The following PRKCH variants were observed in gnomAD, a reference collection of about 807,000 sequenced individuals.
PRKCH encodes the protein protein kinase C eta type.
Under a neutral mutation model 82.5 loss-of-function variants are expected in PRKCH, and 28 were observed. The ratio of observed to expected loss-of-function variants is 0.34; its 90% CI spans 0.25 to 0.47. The LOEUF (loss-of-function observed/expected upper bound fraction) is 0.47, where lower values mean the gene tolerates loss of function less well. Ranked by LOEUF, PRKCH falls within the 20% of genes least tolerant of loss-of-function variation. PRKCH has a pLI of 1.00. For missense variants in PRKCH, 705 were observed against 881.8 expected (o/e 0.80, Z 2.54); for synonymous variants, 322 against 327.4 (o/e 0.98, Z 0.18).
chr14:61,509,319 A>C (rs17098617), intron 10 of PRKCH, among the ~76,000 whole-genome samples: 5,577 of 152,234 alleles, frequency 0.037, 293 homozygotes, highest in East Asian at 0.26. Flanking sequence ...CTTTGAAAAC[A>C]TGCAGCCTCA....
chr14:61,228,449 T>C (rs2044714941), intron 1 of PRKCH, among the ~76,000 whole-genome samples: 1 of 152,162 alleles, frequency 6.6e-6, no homozygotes, highest in Non-Finnish European at 1.5e-5. Context: ...AGAAGCCACC[T>C]CTTCTCAATC....
chr14:61,403,286 T>C (rs1350056900), intron 2 of PRKCH, among the ~76,000 whole-genome samples: 1 of 152,224 alleles, frequency 6.6e-6, no homozygotes, highest in Non-Finnish European at 1.5e-5. Flanking sequence ...ATTTTACAAT[T>C]TCTAGGTTAT....
rs1240831757 is a variant in PRKCH at position 61,530,451 on chromosome 14, A to C, written c.1617A>C (p.Ala539=). 3 of 1,609,600 alleles carry C rather than the reference A, an allele frequency of 1.9e-6. No homozygotes were observed. Among genetic ancestry groups the C allele is most frequent in the African/African-American group, 1.3e-5 (1 of 74,906 alleles). The change falls in exon 12 of 14, where the codon GCA becomes GCC. Residue 539 remains alanine (A), a synonymous_variant. Coordinates refer to ENST00000332981, the MANE Select transcript of PRKCH (RefSeq NM_006255.5). ...ACGGGCCTGCAGTAGACTGGTGGGC[A>C]ATGGGCGTGTTGCTCTATGAGATGC... ...MLYGPAVDWW[A]MGVLLYEMLC... is the part of the protein sequence containing the mutation.
intron 1 of PRKCH, among the ~76,000 whole-genome samples, chr14:61,272,618 A>G (rs1594884734): frequency 6.6e-6 from 1 of 152,218 alleles, no homozygotes; most frequent in South Asian, 2.1e-4. Context: ...GGCCTCCCAA[A>G]GTGCTGGGAT....
At chr14:61,313,465 C>T (rs2045539763) in intron 1 of PRKCH, among the ~76,000 whole-genome samples, 1 of 151,992 alleles carries the variant, frequency 6.6e-6, no homozygotes, top group African/African-American at 2.4e-5. Flanking sequence ...AATTTTAAAC[C>T]ATTTTATTTT....
chr14:61,528,986 G>GTGTA lies in PRKCH; in HGVS notation c.1434-86_1434-85insATGT, dbSNP rs963960676. ...CATGTGGCCGCACGTGTGTGTGTGT[G>GTGTA]TGTGTGTGTGTGTGTGTGTGCCCAT... On this transcript the variant is annotated intron_variant, in intron 10 of 13. Transcript: ENST00000332981. The GTGTA allele has an allele frequency of 1.6e-5, 20 of 1,222,678 alleles. No homozygotes were observed. The African/African-American group carries it at 3.1e-4, about 19-fold the overall frequency. The allele number at this position is 1,222,678 out of a possible 1,614,324, so 75.7% of individuals were successfully genotyped here.
intron 1 of PRKCH, among the ~76,000 whole-genome samples, chr14:61,293,575 G>A (rs1178311186): frequency 6.6e-6 from 1 of 152,196 alleles, no homozygotes; most frequent in Admixed American, 6.5e-5. Context: ...TCAGTTCTCA[G>A]AACACCTGAA....
In PRKCH at chr14:61,421,191, C is replaced by T. The variant is rs116567231; in HGVS notation, c.428-21920C>T. Among the ~76,000 whole-genome samples the T allele has an allele frequency of 1.7e-3, 255 of 151,530 alleles. 2 individuals are homozygous for T. Among genetic ancestry groups the T allele is most frequent in the African/African-American group, 5.8e-3 (238 of 41,244 alleles). On this transcript the variant is annotated intron_variant, in intron 2 of 13. Coordinates refer to ENST00000332981, the MANE Select transcript of PRKCH (RefSeq NM_006255.5). ...GGATGCTTTTTGTCCCCCATGGTTC[C>T]CTTATAAGTGACTGTATTTCCTGAG...
At chr14:61,461,820 A>G (rs942149294) in intron 9 of PRKCH, among the ~76,000 whole-genome samples, 2 of 152,182 alleles carry the variant, frequency 1.3e-5, no homozygotes, top group African/African-American at 4.8e-5. Context: ...AAAATGTATA[A>G]ATTCTACAGT....
intron 1 of PRKCH, among the ~76,000 whole-genome samples, chr14:61,345,054 C>G (rs540870532): frequency 6.6e-6 from 1 of 152,112 alleles, no homozygotes; most frequent in African/African-American, 2.4e-5. Context: ...CTCATTCACC[C>G]TCAGTTCCCT....
chr14:61,195,979 T>C (rs545021140), intron 1 of PRKCH, among the ~76,000 whole-genome samples: 11 of 152,096 alleles, frequency 7.2e-5, no homozygotes, highest in Non-Finnish European at 1.2e-4. Context: ...GATAGATGGG[T>C]TTTATGAAAA....
intron 1 of PRKCH, among the ~76,000 whole-genome samples, chr14:61,370,993 G>T (rs1566842952): frequency 6.6e-6 from 1 of 151,956 alleles, no homozygotes; most frequent in Non-Finnish European, 1.5e-5. Context: ...GTCTAGAAAG[G>T]CCAGATATTC....
chr14:61,281,271 G>A (rs2045263499), intron 1 of PRKCH: 1 of 510,986 alleles, frequency 2.0e-6, no homozygotes, highest in Non-Finnish European at 3.1e-6. Flanking sequence ...CAGCTCAGGT[G>A]GGTTTTTGCC....
At chr14:61,246,099 C>T (rs539307125) in intron 1 of PRKCH, among the ~76,000 whole-genome samples, 1 of 152,250 alleles carries the variant, frequency 6.6e-6, no homozygotes, top group East Asian at 1.9e-4. Flanking sequence ...CCACTTGCAA[C>T]ATTTTGCAAT....
intron 9 of PRKCH, among the ~76,000 whole-genome samples, chr14:61,466,988 G>T (rs1885290968): frequency 6.6e-6 from 1 of 152,202 alleles, no homozygotes; most frequent in South Asian, 2.1e-4. Flanking sequence ...GGCACAAAAT[G>T]ATCTCACGTG....
rs1476293025 is a variant in PRKCH, at chr14:61,329,234, C to CTTTTTTTCTT, written c.363+6777_363+6778insCTTTTTTTTT. 9.7e-3 allele frequency among the ~76,000 whole-genome samples: 618 copies of CTTTTTTTCTT among 63,386 alleles called. 43 individuals carry two copies. The highest frequency in any genetic ancestry group is 0.039 in the African/African-American group (574 of 14,696). The allele number at this position is 63,386 out of a possible 152,430, so 41.6% of individuals were successfully genotyped here. On this transcript the variant is annotated intron_variant, in intron 1 of 13. Transcript: ENST00000332981. ...ACTGCTCTTAGATAAACTCCTGAGT[C>CTTTTTTTCTT]TTTTTTTTTTTTTTTTTTTTGAGAC...
intron 2 of PRKCH, among the ~76,000 whole-genome samples, chr14:61,419,777 A>C (rs1882737729): frequency 6.6e-6 from 1 of 152,234 alleles, no homozygotes. Context: ...AGACAAATCC[A>C]CAAGTACTTT....
intron 1 of PRKCH, among the ~76,000 whole-genome samples, chr14:61,375,740 A>G (rs1177183267): frequency 2.6e-5 from 4 of 152,086 alleles, no homozygotes; most frequent in South Asian, 4.1e-4. Context: ...CCCCTTCCCC[A>G]ACATGACTGG....
intron 1 of PRKCH, among the ~76,000 whole-genome samples, chr14:61,266,405 G>A (rs61993660): frequency 0.47 from 70,989 of 151,830 alleles, 20,238 homozygotes; most frequent in Non-Finnish European, 0.61. Context: ...GCAACAGAGC[G>A]AGACTCCATC....
Sources: gnomAD v4.1 joint callset for allele counts (sites outside exome capture counted in the v4.1 genomes callset) on GRCh38, gnomAD v4.1.1 for gene constraint, MANE v1.5 for transcripts, NCBI Gene and HGNC (gene_info 2026-07-23, HGNC 2026-07-21) for gene names.